The following PRKACB variants were observed in gnomAD, a reference collection of about 807,000 sequenced individuals.
PRKACB encodes protein kinase cAMP-activated catalytic subunit beta.
PRKACB carries 16 observed loss-of-function variants against 51.4 expected under a neutral mutation model. The observed-to-expected ratio is 0.31, with a 90% CI of 0.21 to 0.47. PRKACB has a LOEUF of 0.47. PRKACB is among the 20% of genes least tolerant of loss of function. PRKACB has a pLI of 1.00. For missense variants in PRKACB, 309 were observed against 464.5 expected, an observed-to-expected ratio of 0.67 and a Z score of 3.08; for synonymous variants, 147 against 154.4, an observed-to-expected ratio of 0.95 and a Z score of 0.35.
chr1:84,205,408 G>A (rs1479229395), intron 8 of PRKACB: 3 of 365,934 alleles, frequency 8.2e-6, no homozygotes, highest in Non-Finnish European at 1.1e-5. Flanking sequence ...TTTAAATTGT[G>A]CAAATTATTA....
chr1:84,141,570 G>A (rs1248394545), upstream of PRKACB, among the ~76,000 whole-genome samples: 1 of 151,836 alleles, frequency 6.6e-6, no homozygotes, highest in East Asian at 1.9e-4. Context: ...TTTAAAATAC[G>A]GTGTTTTCAA....
intron 1 of PRKACB, among the ~76,000 whole-genome samples, chr1:84,162,886 G>A (rs1387864994): frequency 1.3e-5 from 2 of 151,934 alleles, no homozygotes; most frequent in Admixed American, 6.6e-5. Flanking sequence ...AAAATAACAT[G>A]TGGTAGTAGC....
chr1:84,086,350 C>T (rs1647987834), intron 1 of PRKACB: 1 of 670,030 alleles, frequency 1.5e-6, no homozygotes, highest in Non-Finnish European at 2.6e-6. Context: ...ATGAGTGCTT[C>T]TGAGCTGGCG....
chr1:84,089,876 A>T (rs1648315093), intron 1 of PRKACB, among the ~76,000 whole-genome samples: 1 of 152,058 alleles, frequency 6.6e-6, no homozygotes, highest in African/African-American at 2.4e-5. Flanking sequence ...CCATTTATCC[A>T]TCAGTCCTCT....
rs1571890097 is a variant in PRKACB at position 84,159,019 on chromosome 1, A to G, written c.187+14471A>G. Among the ~76,000 whole-genome samples, 4 of 152,082 alleles carry G rather than the reference A, an allele frequency of 2.6e-5. No individual in the cohort carries two copies. The South Asian group carries it at 8.3e-4, about 32-fold the overall frequency. On this transcript the variant is annotated intron_variant, in intron 1 of 9. Coordinates refer to ENST00000370685, the MANE Select transcript of PRKACB (RefSeq NM_182948.4). ...ATGTCTGTCCTCATTCCTATACTAC[A>G]CTGTCTTGATTACTAAAACTTTAAG...
intron 4 of PRKACB, 129 bp from the exon 5 acceptor site, chr1:84,184,971 T>G: frequency 2.2e-6 from 1 of 457,686 alleles, no homozygotes. Flanking sequence ...CATGTTCCAT[T>G]TATTCTTTAT....
At chr1:84,134,184 G>C (rs1652552112) in intron 1 of PRKACB, among the ~76,000 whole-genome samples, 1 of 152,138 alleles carries the variant, frequency 6.6e-6, no homozygotes, top group South Asian at 2.1e-4. Flanking sequence ...ATGTTTGGCT[G>C]CTTCTCCTTC....
intron 1 of PRKACB, among the ~76,000 whole-genome samples, chr1:84,137,775 A>T (rs1433517245): frequency 1.3e-5 from 2 of 152,218 alleles, no homozygotes; most frequent in African/African-American, 4.8e-5. Context: ...ATATGTATAT[A>T]CTGAAATTGA....
chr1:84,233,002 A>C (rs9662292), intron 9 of PRKACB, among the ~76,000 whole-genome samples: 154 of 151,124 alleles, frequency 1.0e-3, no homozygotes, highest in Middle Eastern at 3.4e-3. Flanking sequence ...CAGTTTCTTC[A>C]TAGTCTCGAT....
intron 1 of PRKACB, among the ~76,000 whole-genome samples, chr1:84,156,736 C>T (rs956072466): frequency 2.6e-5 from 4 of 151,842 alleles, no homozygotes; most frequent in South Asian, 2.1e-4. Context: ...TATAAAATAC[C>T]GTGATTTTAA....
chr1:84,097,377 A>G (rs2100794730), intron 1 of PRKACB, among the ~76,000 whole-genome samples: 1 of 152,164 alleles, frequency 6.6e-6, no homozygotes, highest in South Asian at 2.1e-4. Flanking sequence ...TTGCACTCAC[A>G]GTAGCAGTGT....
chr1:84,186,228 T>G (rs977538484), intron 5 of PRKACB, among the ~76,000 whole-genome samples: 1 of 388 alleles, frequency 2.6e-3, no homozygotes, highest in South Asian at 0.083. Context: ...TGTTTTTGGT[T>G]TTTTTTTTGA....
intron 1 of PRKACB, among the ~76,000 whole-genome samples, chr1:84,168,941 T>G (rs979741179): frequency 2.6e-5 from 4 of 151,520 alleles, no homozygotes; most frequent in Non-Finnish European, 5.9e-5. Flanking sequence ...CTGGCCACAT[T>G]CCCATTTATG....
intron 1 of PRKACB, among the ~76,000 whole-genome samples, chr1:84,168,590 T>C (rs1415909167): frequency 6.6e-6 from 1 of 151,494 alleles, no homozygotes; most frequent in Non-Finnish European, 1.5e-5. Flanking sequence ...GAAAAAAAAT[T>C]GGGAAAGCAG....
chr1:84,218,717 A>C (rs148926659), intron 9 of PRKACB, among the ~76,000 whole-genome samples: 1 of 152,168 alleles, frequency 6.6e-6, no homozygotes, highest in Non-Finnish European at 1.5e-5. Flanking sequence ...AAATCTCTGT[A>C]CTATTTTCCA....
At chr1:84,078,390 C>G (rs1213749318) in intron 1 of PRKACB, 1 of 1,609,542 alleles carries the variant, frequency 6.2e-7, no homozygotes, top group Admixed American at 1.7e-5. Context: ...AAGGCCGGGT[C>G]TGGGTATCCG....
chr1:84,097,141 G>A (rs1648980802), intron 1 of PRKACB, among the ~76,000 whole-genome samples: 1 of 151,916 alleles, frequency 6.6e-6, no homozygotes. Flanking sequence ...TTCTACATTT[G>A]ATGGTAATTG....
intron 1 of PRKACB, among the ~76,000 whole-genome samples, chr1:84,169,094 G>T (rs1175844581): frequency 2.6e-5 from 4 of 151,612 alleles, no homozygotes; most frequent in Non-Finnish European, 5.9e-5. Flanking sequence ...GTAAAGTTTT[G>T]AAAAGCTTGT....
chr1:84,116,515 ATAGTTT>A (rs1366045430), intron 1 of PRKACB, among the ~76,000 whole-genome samples: 8 of 152,010 alleles, frequency 5.3e-5, no homozygotes, highest in African/African-American at 1.9e-4. Context: ...TTTGTGCTTT[ATAGTTT>A]TAAATGCAGA....
Sources: gnomAD v4.1 joint callset for allele counts (sites outside exome capture counted in the v4.1 genomes callset) on GRCh38, gnomAD v4.1.1 for gene constraint, MANE v1.5 for transcripts, NCBI Gene and HGNC (gene_info 2026-07-23, HGNC 2026-07-21) for gene names.